SERPINA12: variants seen among roughly 807,000 people sequenced by gnomAD.
The protein encoded by SERPINA12 is serpin family A member 12, also known as serpin A12.
Under a neutral mutation model 25.9 loss-of-function variants are expected in SERPINA12, and 21 were observed. That is an observed-to-expected ratio of 0.81 (90% CI 0.58 to 1.17). The LOEUF (loss-of-function observed/expected upper bound fraction) is 1.17, where lower values mean the gene tolerates loss of function less well. Among genes scored for constraint, SERPINA12 ranks in the 50% most tolerant of loss-of-function variants. The probability of loss-of-function intolerance (pLI) is 0.00; values close to 1 mark genes in which losing one functional copy is unlikely to be tolerated. For synonymous variants in SERPINA12, 220 were observed against 196.0 expected (o/e 1.12, Z -1.02); for missense variants, 562 against 508.3 (o/e 1.11, Z -1.02).
chr14:94,505,025 C>T (rs571454545), intron 1 of SERPINA12, among the ~76,000 whole-genome samples: 1 of 152,210 alleles, frequency 6.6e-6, no homozygotes, highest in Non-Finnish European at 1.5e-5. Flanking sequence ...CTCAACATGC[C>T]TATCTTCAAT....
chr14:94,490,115 C>G (rs1349240101), intron 3 of SERPINA12, among the ~76,000 whole-genome samples: 1 of 152,160 alleles, frequency 6.6e-6, no homozygotes, highest in African/African-American at 2.4e-5. Flanking sequence ...ATCCTGACCC[C>G]AGAAGACCTG....
intron 1 of SERPINA12, among the ~76,000 whole-genome samples, chr14:94,516,571 C>T (rs1199887900): frequency 6.6e-6 from 1 of 152,178 alleles, no homozygotes; most frequent in Non-Finnish European, 1.5e-5. Context: ...CAGAGTGTTC[C>T]TGCTTAACTT....
chr14:94,506,072 A>G (rs1301260112), intron 1 of SERPINA12, among the ~76,000 whole-genome samples: 1 of 152,172 alleles, frequency 6.6e-6, no homozygotes, highest in Non-Finnish European at 1.5e-5. Context: ...TGTAGTTAAG[A>G]TTCAGGTCCC....
chr14:94,492,533 A>G (rs1008302774), intron 3 of SERPINA12, among the ~76,000 whole-genome samples: 9 of 152,200 alleles, frequency 5.9e-5, no homozygotes, highest in Non-Finnish European at 1.3e-4. Flanking sequence ...GATAGGAAAG[A>G]TAAGGGCATC....
At chr14:94,505,563 T>C (rs1900901814) in intron 1 of SERPINA12, among the ~76,000 whole-genome samples, 1 of 152,160 alleles carries the variant, frequency 6.6e-6, no homozygotes, top group African/African-American at 2.4e-5. Context: ...CAGGTGGTCC[T>C]ATTGTGACTG....
At chr14:94,503,958 A>G (rs199548978) in intron 1 of SERPINA12, 1 of 152,254 alleles carries the variant, frequency 6.6e-6, no homozygotes, top group African/African-American at 2.4e-5. Flanking sequence ...TCTGCCAAAG[A>G]TGTTCAACAA....
upstream of SERPINA12, among the ~76,000 whole-genome samples, chr14:94,512,550 T>C (rs1035770654): frequency 1.7e-4 from 26 of 152,194 alleles, no homozygotes; most frequent in African/African-American, 6.3e-4. Flanking sequence ...GACAGGGAGC[T>C]GATTCTGTTC....
chr14:94,494,189 C>G (rs542622180), intron 3 of SERPINA12, among the ~76,000 whole-genome samples: 1 of 152,040 alleles, frequency 6.6e-6, no homozygotes, highest in Non-Finnish European at 1.5e-5. Flanking sequence ...CCTCCCATTT[C>G]TTACCTTCTC....
intron 3 of SERPINA12, among the ~76,000 whole-genome samples, chr14:94,491,672 G>T (rs1900185550): frequency 6.6e-6 from 1 of 152,078 alleles, no homozygotes. Context: ...ATTTGAGGGT[G>T]GTCAGGGTGA....
At position 94,497,828 on chromosome 14, in the gene SERPINA12, G is replaced by C; in HGVS notation, c.570C>G (p.Asn190Lys). 1.2e-6 allele frequency: 2 copies of C among 1,614,120 alleles called. No homozygotes were observed. The highest frequency in any genetic ancestry group is 1.1e-5 in the South Asian group (1 of 91,066). ...FISQKTHGKI[N>K]NLIENIDPGT... ...CGGGGTCTATATTCTCGATCAGGTT[G>C]TTAATTTTCCCATGGGTTTTTTGAC... Residue 190 changes from asparagine (N) to lysine (K), a missense_variant, in exon 2 of 5, where the codon AAC becomes AAG. Physicochemically the swap from Asn to Lys is moderately conservative, Grantham distance 94 (BLOSUM62 0). Coordinates refer to ENST00000677451, the MANE Select transcript of SERPINA12 (RefSeq NM_001382267.1).
At chr14:94,500,188 C>G (rs923013489) in intron 1 of SERPINA12, among the ~76,000 whole-genome samples, 1 of 152,190 alleles carries the variant, frequency 6.6e-6, no homozygotes, top group African/African-American at 2.4e-5. Context: ...CAACAAAGGT[C>G]TTCAAGGAGT....
At chr14:94,488,674 C>T (rs971800234) in intron 4 of SERPINA12, among the ~76,000 whole-genome samples, 7 of 152,130 alleles carry the variant, frequency 4.6e-5, no homozygotes, top group African/African-American at 7.2e-5. Context: ...CTGCTAAATC[C>T]GGTGACTCTA....
intron 1 of SERPINA12, chr14:94,501,006 C>G: frequency 2.0e-6 from 2 of 984,932 alleles, no homozygotes; most frequent in Non-Finnish European, 2.4e-6. Flanking sequence ...TAAGCACCTT[C>G]TACCCCCAAA....
upstream of SERPINA12, chr14:94,511,798 C>T (rs1307227784): frequency 1.2e-6 from 1 of 866,160 alleles, no homozygotes; most frequent in African/African-American, 1.8e-5. Context: ...TCCTCATAAG[C>T]TCACAGACCA....
upstream of SERPINA12, among the ~76,000 whole-genome samples, chr14:94,509,501 C>T (rs893363838): frequency 1.1e-4 from 17 of 152,112 alleles, no homozygotes; most frequent in Admixed American, 1.0e-3. Context: ...GCCTTATCTA[C>T]AAACTGGGTG....
intron 1 of SERPINA12, among the ~76,000 whole-genome samples, chr14:94,517,090 T>C (rs1374217212): frequency 6.6e-6 from 1 of 152,246 alleles, no homozygotes; most frequent in Non-Finnish European, 1.5e-5. Flanking sequence ...GCTCTCTGCG[T>C]CCCAGCAGCC....
At chr14:94,496,988 T>C (rs1900456045) in intron 2 of SERPINA12, among the ~76,000 whole-genome samples, 1 of 152,170 alleles carries the variant, frequency 6.6e-6, no homozygotes, top group Admixed American at 6.5e-5. Flanking sequence ...CTGATGTGAG[T>C]AGACTCTTCT....
At chr14:94,507,859 G>T (rs1900986631) in intron 1 of SERPINA12, among the ~76,000 whole-genome samples, 1 of 152,234 alleles carries the variant, frequency 6.6e-6, no homozygotes, top group African/African-American at 2.4e-5. Context: ...AACAGGAAAT[G>T]AGTGCTTGTG....
chr14:94,511,805 AC>A, upstream of SERPINA12: 1 of 827,408 alleles, frequency 1.2e-6, no homozygotes, highest in Non-Finnish European at 1.5e-6. Context: ...AAGCTCACAG[AC>A]CAGGGAAGGG....
Sources: gnomAD v4.1 joint callset for allele counts (sites outside exome capture counted in the v4.1 genomes callset) on GRCh38, gnomAD v4.1.1 for gene constraint, MANE v1.5 for transcripts, NCBI Gene and HGNC (gene_info 2026-07-23, HGNC 2026-07-21) for gene names.